Variants in GUCY1B1 observed in about 807,000 individuals in gnomAD.
The protein encoded by GUCY1B1 is guanylate cyclase soluble subunit beta-1.
GUCY1B1 carries 43 observed loss-of-function variants against 71.0 expected under a neutral mutation model. That is an observed-to-expected ratio of 0.61 (90% CI 0.47 to 0.78). The LOEUF (loss-of-function observed/expected upper bound fraction) is 0.78, where lower values mean the gene tolerates loss of function less well. GUCY1B1 is among the 30% of genes least tolerant of loss of function. The pLI is 0.00. For missense variants in GUCY1B1, 535 were observed against 754.1 expected (o/e 0.71, Z 3.40); for synonymous variants, 266 against 259.7 (o/e 1.02, Z -0.23).
chr4:155,767,321 A>G (rs1167495970), intron 2 of GUCY1B1, among the ~76,000 whole-genome samples: 3 of 152,142 alleles, frequency 2.0e-5, no homozygotes, highest in Non-Finnish European at 2.9e-5. Flanking sequence ...CATATACACA[A>G]GTGTCTAAGT....
intron 9 of GUCY1B1, 56 bp downstream of exon 9, chr4:155,800,130 T>C (rs2111162565): frequency 1.6e-6 from 2 of 1,213,340 alleles, no homozygotes; most frequent in East Asian, 2.5e-5. Context: ...GTGACTCTAC[T>C]ATATTTAAGT....
intron 4 of GUCY1B1, among the ~76,000 whole-genome samples, chr4:155,785,589 T>C (rs571019901): frequency 9.9e-5 from 15 of 152,168 alleles, no homozygotes; most frequent in African/African-American, 3.4e-4. Context: ...AAGAATCTTT[T>C]TGTAGCAAAA....
At position 155,807,330 on chromosome 4, in the gene GUCY1B1, T is replaced by A; in HGVS notation, c.*921T>A. 6.6e-6 allele frequency: 1 copy of A among 152,166 alleles called. No homozygotes were observed. Among genetic ancestry groups the A allele is most frequent in the Admixed American group, 6.6e-5 (1 of 15,238 alleles). 9.4% of individuals were successfully genotyped at this position (152,166 alleles called of 1,614,324 possible). A position where few individuals can be genotyped will look rare whatever the true frequency, so the allele number is the denominator to read the frequency against. ...GCTCCCTTTCCTTAGCTTAGAAGAATGTGATTATATCCAGGACATCATGTT... is the reference window on the plus strand; with the variant it reads ...GCTCCCTTTCCTTAGCTTAGAAGAAAGTGATTATATCCAGGACATCATGTT... On this transcript the variant is annotated 3_prime_UTR_variant, in exon 14 of 14. Transcript: ENST00000264424.
In GUCY1B1 at chr4:155,774,885, T is replaced by G. The variant is rs1229246331; in HGVS notation, c.78-83T>G. 6 of 807,194 alleles carry G rather than the reference T, an allele frequency of 7.4e-6. No individual in the cohort carries two copies. The Admixed American group carries it at 8.4e-5, about 11-fold the overall frequency. 50.0% of individuals were successfully genotyped at this position (807,194 alleles called of 1,614,324 possible). ...AATTCTATTTCAGAGATAAAGCCATTGTTTATACAATTATTATACTTATAG... is the reference window on the plus strand; with the variant it reads ...AATTCTATTTCAGAGATAAAGCCATGGTTTATACAATTATTATACTTATAG... On this transcript the variant is annotated intron_variant, in intron 2 of 13. Coordinates refer to ENST00000264424, the MANE Select transcript of GUCY1B1 (RefSeq NM_000857.5).
At chr4:155,777,743 G>A (rs1738155762) in intron 4 of GUCY1B1, 101 bp downstream of exon 4, 1 of 607,832 alleles carries the variant, frequency 1.6e-6, no homozygotes, top group South Asian at 2.3e-5. Flanking sequence ...AGAGTGTCTT[G>A]CTTCTGAAAT....
At chr4:155,796,817 G>A (rs1482467586) in intron 8 of GUCY1B1, among the ~76,000 whole-genome samples, 3 of 152,096 alleles carry the variant, frequency 2.0e-5, no homozygotes, top group Non-Finnish European at 4.4e-5. Flanking sequence ...CTTCAAAATA[G>A]GCATTATGTA....
At chr4:155,797,301 T>G (rs979703691) in intron 8 of GUCY1B1, among the ~76,000 whole-genome samples, 1 of 152,146 alleles carries the variant, frequency 6.6e-6, no homozygotes, top group Non-Finnish European at 1.5e-5. Flanking sequence ...GGTTAAAAAT[T>G]TAATCTGAAT....
At chr4:155,785,615 CT>C (rs1475242468) in intron 4 of GUCY1B1, among the ~76,000 whole-genome samples, 5 of 152,054 alleles carry the variant, frequency 3.3e-5, no homozygotes, top group Admixed American at 2.6e-4. Context: ...AAATTGTAGC[CT>C]GTATATGAGG....
At chr4:155,799,790 C>G in intron 8 of GUCY1B1, 87 bp from the exon 9 acceptor site, 1 of 674,616 alleles carries the variant, frequency 1.5e-6, no homozygotes, top group Non-Finnish European at 2.6e-6. Context: ...TAGGAGGTGG[C>G]AGGATCAGAT....
At position 155,787,039 on chromosome 4, in the gene GUCY1B1, A is replaced by AT. The variant is rs915802104; in HGVS notation, c.298-2665dup. Among the ~76,000 whole-genome samples the AT allele has an allele frequency of 1.7e-4, 26 of 150,562 alleles. No homozygotes were observed. The East Asian group carries it at 2.1e-3, about 12-fold the overall frequency. ...AGATAAAAATAAAACTCTCTCAGTGATTTTTTTTTTCTCACCCGATTTTCT... is the reference window on the plus strand; with the variant it reads ...AGATAAAAATAAAACTCTCTCAGTGATTTTTTTTTTTCTCACCCGATTTTCT... On this transcript the variant is annotated intron_variant, in intron 4 of 13. Coordinates refer to ENST00000264424, the MANE Select transcript of GUCY1B1 (RefSeq NM_000857.5).
In GUCY1B1 at chr4:155,795,361, C is replaced by T. The variant is rs775875591; in HGVS notation, c.747C>T (p.Ser249=). 3 of 1,604,588 alleles carry T rather than the reference C, an allele frequency of 1.9e-6. No individual in the cohort carries two copies. Among genetic ancestry groups the T allele is most frequent in the Non-Finnish European group, 2.6e-6 (3 of 1,172,202 alleles). The change falls in exon 7 of 14, where the codon AGC becomes AGT. Residue 249 remains serine, a synonymous_variant. Transcript: ENST00000264424. ...TTTAGCTCCAGCCTGGGAATTGCAG[C>T]CTTCTGTCTGTCTTCTCGCTGGTTC... ...VLPQLQPGNC[S]LLSVFSLVRP...
Position 155,800,320 on chromosome 4 carries a change from T to C in GUCY1B1, c.1175+246T>C, listed in dbSNP as rs186571042. On this transcript the variant is annotated intron_variant, in intron 9 of 13. Coordinates refer to ENST00000264424, the MANE Select transcript of GUCY1B1 (RefSeq NM_000857.5). ...GAATAATATAGGCCAAAATATCTTT[T>C]GGAAAATCATGAGAATAACTCAAAT... Among the ~76,000 whole-genome samples, 77 of 152,362 alleles carry C rather than the reference T, an allele frequency of 5.1e-4. 2 individuals carry two copies. In the East Asian group the frequency reaches 0.013, roughly 25 times the overall value.
intron 5 of GUCY1B1, among the ~76,000 whole-genome samples, chr4:155,793,091 T>C (rs1340472666): frequency 6.6e-6 from 1 of 152,200 alleles, no homozygotes; most frequent in Non-Finnish European, 1.5e-5. Flanking sequence ...TTTTTCTTTT[T>C]TTGAGACAGA....
At chr4:155,774,269 T>A (rs1446240529) in intron 2 of GUCY1B1, among the ~76,000 whole-genome samples, 1 of 152,148 alleles carries the variant, frequency 6.6e-6, no homozygotes. Flanking sequence ...CCAGCCACAT[T>A]GGCCTCTGCT....
Position 155,778,574 on chromosome 4 carries a change from A to C in GUCY1B1, c.297+932A>C, listed in dbSNP as rs576200697. ...AAAATAAGAACTTTAGTGTTTAATCAAAATGTCTGTTGTTTACATAGTGAC... is the reference window on the plus strand; with the variant it reads ...AAAATAAGAACTTTAGTGTTTAATCCAAATGTCTGTTGTTTACATAGTGAC... On this transcript the variant is annotated intron_variant, in intron 4 of 13. Transcript: ENST00000264424. Among the ~76,000 whole-genome samples, 122 of 152,348 alleles carry C rather than the reference A, an allele frequency of 8.0e-4. 1 individual carries two copies. The Middle Eastern group carries it at 0.014, about 17-fold the overall frequency.
At chr4:155,759,236 G>T in intron 1 of GUCY1B1, 93 bp downstream of exon 1, 1 of 1,284,270 alleles carries the variant, frequency 7.8e-7, no homozygotes, top group Middle Eastern at 2.5e-4. Flanking sequence ...AGCTTGGCTC[G>T]GGGGCCCTGG....
At chr4:155,772,572 A>G in intron 2 of GUCY1B1, 2 of 589,026 alleles carry the variant, frequency 3.4e-6, no homozygotes, top group Non-Finnish European at 6.1e-6. Flanking sequence ...TTGCGCCACC[A>G]CACCTGCCTA....
intron 2 of GUCY1B1, among the ~76,000 whole-genome samples, chr4:155,763,915 T>C (rs1737164088): frequency 6.6e-6 from 1 of 152,184 alleles, no homozygotes; most frequent in Non-Finnish European, 1.5e-5. Context: ...TACTCTAGAA[T>C]CAGAGTTTTT....
chr4:155,770,614 G>A (rs548384382), intron 2 of GUCY1B1, among the ~76,000 whole-genome samples: 1 of 152,182 alleles, frequency 6.6e-6, no homozygotes, highest in African/African-American at 2.4e-5. Flanking sequence ...TAAAGAGTTT[G>A]CGATACCTCC....
Sources: gnomAD v4.1 joint callset for allele counts (sites outside exome capture counted in the v4.1 genomes callset) on GRCh38, gnomAD v4.1.1 for gene constraint, MANE v1.5 for transcripts, NCBI Gene and HGNC (gene_info 2026-07-23, HGNC 2026-07-21) for gene names.